Variants in ASH1L observed in about 807,000 individuals in gnomAD.
The protein encoded by ASH1L is histone-lysine N-methyltransferase ASH1L.
Under a neutral mutation model 269.0 loss-of-function variants are expected in ASH1L, and 23 were observed. The observed-to-expected ratio is 0.09, with a 90% CI of 0.06 to 0.12. ASH1L has a LOEUF of 0.12. ASH1L is among the 10% of genes least tolerant of loss of function. The probability of loss-of-function intolerance (pLI) is 1.00; values close to 1 mark genes in which losing one functional copy is unlikely to be tolerated. For synonymous variants in ASH1L, 1,187 were observed against 1,253.5 expected, an observed-to-expected ratio of 0.95 and a Z score of 1.12; for missense variants, 2,912 against 3,567.8, an observed-to-expected ratio of 0.82 and a Z score of 4.68.
Position 155,515,625 on chromosome 1 carries a change from C to T in ASH1L, c.420+5475G>A, listed in dbSNP as rs767377972. Among the ~76,000 whole-genome samples the T allele has an allele frequency of 7.2e-4, 109 of 151,848 alleles. 2 individuals carry two copies. Among genetic ancestry groups the T allele is most frequent in the South Asian group, 2.1e-4 (1 of 4,814 alleles). On this transcript the variant is annotated intron_variant, in intron 2 of 27. Coordinates refer to ENST00000392403, the MANE Select transcript of ASH1L (RefSeq NM_018489.3). ...GGCGAATCACCTGAGGTCAGGAATT[C>T]GAGACCATCCTGGCCAACATGGTGA...
In ASH1L at chr1:155,481,816, G is replaced by T; in HGVS notation, c.1054C>A (p.His352Asn). 6.2e-7 allele frequency: 1 copy of T among 1,614,176 alleles called. No individual in the cohort carries two copies. The highest frequency in any genetic ancestry group is 1.3e-5 in the African/African-American group (1 of 75,048). The change falls in exon 3 of 28, where the codon CAT becomes AAT. Residue 352 changes from histidine (H) to asparagine (N), a missense_variant. Transcript: ENST00000392403. ...LGIGIVPGLV[H>N]KESGKKLGLG... ...CCTAACTTCTTGCCAGACTCTTTAT[G>T]CACTAAACCTGGAACAATACCAATT...
intron 2 of ASH1L, 81 bp downstream of exon 2, chr1:155,521,019 G>T: frequency 7.2e-7 from 1 of 1,388,284 alleles, no homozygotes. Context: ...TCAAACTCCC[G>T]GAAATACATA....
At chr1:155,500,611 CAAGT>C (rs1186101543) in intron 2 of ASH1L, among the ~76,000 whole-genome samples, 1 of 151,976 alleles carries the variant, frequency 6.6e-6, no homozygotes, top group African/African-American at 2.4e-5. Context: ...CCATAGGGCA[CAAGT>C]AAGATGACAG....
At chr1:155,447,160 TTAAG>T (rs1663101500) in intron 4 of ASH1L, among the ~76,000 whole-genome samples, 1 of 152,202 alleles carries the variant, frequency 6.6e-6, no homozygotes, top group Non-Finnish European at 1.5e-5. Flanking sequence ...TCTTTCAACA[TTAAG>T]TGTTAGGTTA....
intron 1 of ASH1L, among the ~76,000 whole-genome samples, chr1:155,541,755 A>AT (rs1185940822): frequency 6.6e-6 from 1 of 152,136 alleles, no homozygotes; most frequent in Non-Finnish European, 1.5e-5. Flanking sequence ...ATCAATAACC[A>AT]TATTTTTAGG....
chr1:155,347,497 A>G (rs1226321472), intron 20 of ASH1L, among the ~76,000 whole-genome samples, 159 bp downstream of exon 20: 1 of 152,196 alleles, frequency 6.6e-6, no homozygotes, highest in African/African-American at 2.4e-5. Flanking sequence ...AAAAGGAGAA[A>G]GGCAATATAG....
chr1:155,486,721 T>C (rs1666351593), intron 2 of ASH1L, among the ~76,000 whole-genome samples: 1 of 152,174 alleles, frequency 6.6e-6, no homozygotes, highest in Admixed American at 6.5e-5. Context: ...CTTTTATACT[T>C]TTAAAAACAA....
chr1:155,375,103 T>G (rs1378392373), intron 10 of ASH1L, among the ~76,000 whole-genome samples: 1 of 152,106 alleles, frequency 6.6e-6, no homozygotes. Context: ...CGTGAGCCAC[T>G]GTGCTTGGCT....
rs1238598263 is a variant in ASH1L, at chr1:155,335,593, A to T, written c.*2067T>A. ...CGTTATTATAAAATAACTGAAAAAT[A>T]AAAAAAGGCATTAATTTCTACACCA... On this transcript the variant is annotated 3_prime_UTR_variant, in exon 28 of 28. Transcript: ENST00000392403. 2 of 152,692 alleles carry T rather than the reference A, an allele frequency of 1.3e-5. No homozygotes were observed. Among genetic ancestry groups the T allele is most frequent in the African/African-American group, 4.8e-5 (2 of 41,434 alleles). 9.5% of individuals were successfully genotyped at this position (152,692 alleles called of 1,614,324 possible). A position where few individuals can be genotyped will look rare whatever the true frequency, so the allele number is the denominator to read the frequency against.
chr1:155,356,988 TG>T (rs1267978900), intron 15 of ASH1L, among the ~76,000 whole-genome samples: 2 of 149,288 alleles, frequency 1.3e-5, no homozygotes, highest in Non-Finnish European at 3.0e-5. Context: ...CCCAGCTACT[TG>T]GGAGGATGAT....
At chr1:155,353,824 C>A (rs1390644139) in intron 16 of ASH1L, among the ~76,000 whole-genome samples, 1 of 152,170 alleles carries the variant, frequency 6.6e-6, no homozygotes, top group Non-Finnish European at 1.5e-5. Flanking sequence ...CTGATAATTA[C>A]CCGTCCCCCA....
At chr1:155,549,736 C>T (rs1671068664) in intron 1 of ASH1L, among the ~76,000 whole-genome samples, 1 of 152,022 alleles carries the variant, frequency 6.6e-6, no homozygotes, top group Non-Finnish European at 1.5e-5. Context: ...TTGGTATCCT[C>T]GGGGGAACCA....
intron 27 of ASH1L, 81 bp from the exon 28 acceptor site, chr1:155,337,832 C>A: frequency 1.5e-6 from 2 of 1,325,460 alleles, no homozygotes; most frequent in African/African-American, 1.4e-5. Context: ...GGAGAGCACA[C>A]GAACTCAATG....
chr1:155,506,881 C>T lies in ASH1L; in HGVS notation c.420+14219G>A, dbSNP rs139919324. ...GGCTGAGGTAGGAGGATCGTTTGACCCCAGGAGTTCAAGACCAGCCTGGCC... is the reference window on the plus strand; with the variant it reads ...GGCTGAGGTAGGAGGATCGTTTGACTCCAGGAGTTCAAGACCAGCCTGGCC... On this transcript the variant is annotated intron_variant, in intron 2 of 27. Transcript: ENST00000392403. Among the ~76,000 whole-genome samples, 26 of 151,718 alleles carry T rather than the reference C, an allele frequency of 1.7e-4. No homozygotes were observed. In the East Asian group the frequency reaches 5.1e-3, roughly 29 times the overall value.
At chr1:155,468,653 G>T (rs1664871767) in intron 3 of ASH1L, among the ~76,000 whole-genome samples, 1 of 151,904 alleles carries the variant, frequency 6.6e-6, no homozygotes, top group Non-Finnish European at 1.5e-5. Flanking sequence ...GACATTTCAG[G>T]ATAATAATAT....
At chr1:155,452,316 G>C (rs1048835159) in intron 4 of ASH1L, among the ~76,000 whole-genome samples, 1 of 152,148 alleles carries the variant, frequency 6.6e-6, no homozygotes, top group African/African-American at 2.4e-5. Context: ...TGGGATTACA[G>C]GCGTGACCGA....
At position 155,338,022 on chromosome 1, in the gene ASH1L, A is replaced by AT. The variant is rs1381167587; in HGVS notation, c.8803+66dup. 1.1e-5 allele frequency: 16 copies of AT among 1,495,820 alleles called. No homozygotes were observed. The Middle Eastern group carries it at 9.3e-4, about 87-fold the overall frequency. 92.7% of individuals were successfully genotyped at this position (1,495,820 alleles called of 1,614,324 possible). ...TTTGGATGCTGAACCAGTAATTACA[A>AT]TTTTTTTCCATTCCCTCTCATTTCG... On this transcript the variant is annotated intron_variant, in intron 27 of 27. Coordinates refer to ENST00000392403, the MANE Select transcript of ASH1L (RefSeq NM_018489.3).
At chr1:155,419,719 C>G (rs1660514181) in intron 5 of ASH1L, among the ~76,000 whole-genome samples, 1 of 152,078 alleles carries the variant, frequency 6.6e-6, no homozygotes, top group African/African-American at 2.4e-5. Flanking sequence ...ATAAAGTTTC[C>G]CTATTATTAA....
chr1:155,344,699 CTCT>C (rs773645365), intron 21 of ASH1L: 10 of 157,472 alleles, frequency 6.4e-5, no homozygotes, highest in African/African-American at 1.9e-4. Context: ...CTGCCTAAAT[CTCT>C]TCTTTTTTTA....
Sources: gnomAD v4.1 joint callset for allele counts (sites outside exome capture counted in the v4.1 genomes callset) on GRCh38, gnomAD v4.1.1 for gene constraint, MANE v1.5 for transcripts, NCBI Gene and HGNC (gene_info 2026-07-23, HGNC 2026-07-21) for gene names.